Variants in PLEC observed in about 807,000 individuals in gnomAD.
The protein encoded by PLEC is plectin, also known as hemidesmosomal protein 1.
PLEC carries 216 observed loss-of-function variants against 392.8 expected under a neutral mutation model. That is an observed-to-expected ratio of 0.55 (90% CI 0.49 to 0.62). PLEC has a LOEUF of 0.62. PLEC is among the 20% of genes least tolerant of loss of function. The pLI is 0.00. For synonymous variants in PLEC, 3,621 were observed against 2,980.6 expected, an observed-to-expected ratio of 1.21 and a Z score of -7.00; for missense variants, 6,863 against 6,563.4, an observed-to-expected ratio of 1.05 and a Z score of -1.58.
chr8:143,922,331 G>C lies in PLEC; in HGVS notation c.7490C>G (p.Ser2497Cys). Residue 2497 changes from serine to cysteine, a missense_variant, in exon 32 of 32, where the codon TCT (serine) becomes TGT (cysteine). Transcript: ENST00000345136. ...CCGCTGTAGCAGGCTGTCCTTTTCA[G>C]AGAGGAAGCTTTGCTGCAGGGCCTG... ...ETQALQQSFL[S>C]EKDSLLQRER... 25 of 1,606,770 alleles carry C rather than the reference G, an allele frequency of 1.6e-5. No homozygotes were observed. The highest frequency in any genetic ancestry group is 2.0e-5 in the Non-Finnish European group (24 of 1,179,954).
At position 143,921,804 on chromosome 8, in the gene PLEC, C is replaced by T; in HGVS notation, c.8017G>A (p.Ala2673Thr). 1 of 1,609,528 alleles carries T rather than the reference C, an allele frequency of 6.2e-7. No homozygotes were observed. Among genetic ancestry groups the T allele is most frequent in the Non-Finnish European group, 8.5e-7 (1 of 1,179,748 alleles). The change falls in exon 32 of 32, where the codon GCG becomes ACG. Residue 2673 changes from alanine (A) to threonine (T), a missense_variant. Ala to Thr is a moderately conservative substitution (Grantham distance 58). Transcript: ENST00000345136. ...ILSAEELQRL[A>T]QGHTTVDELA... Reference sequence around the variant, plus strand: ...TCGTCCACCGTGGTGTGGCCCTGCGCCAACCGCTGCAGCTCCTCCGCACTC... The same window carrying T: ...TCGTCCACCGTGGTGTGGCCCTGCGTCAACCGCTGCAGCTCCTCCGCACTC...
chr8:143,964,860 A>G lies in PLEC; in HGVS notation c.70+8543T>C, dbSNP rs560283020. On this transcript the variant is annotated intron_variant, in intron 1 of 31. Coordinates refer to the PLEC transcript ENST00000356346. ...AGATGCACTTTCAAAAGGTCAAAAG[A>G]CACATTCATTTGAAAAACAGAGCAG... 2.6e-5 allele frequency among the ~76,000 whole-genome samples: 4 copies of G among 152,290 alleles called. No homozygotes were observed. The South Asian group carries it at 6.2e-4, about 24-fold the overall frequency.
At position 143,919,996 on chromosome 8, in the gene PLEC, G is replaced by A. The variant is rs1020554521; in HGVS notation, c.9825C>T (p.Arg3275=). 4 of 1,613,284 alleles carry A rather than the reference G, an allele frequency of 2.5e-6. No individual in the cohort carries two copies. The Admixed American group carries it at 6.7e-5, about 27-fold the overall frequency. The stretch of plus-strand genomic sequence containing the variant: ...CCTTCTCCACGGTGACCTTGCCCGT[G>A]CGGAACTGACGCAACAGCTCCTGCC... ...EQRQELLRQF[R]TGKVTVEKVI... is the part of the protein sequence containing the mutation. The change falls in exon 32 of 32, where the codon CGC becomes CGT. Residue 3275 remains arginine (R), a synonymous_variant. Transcript: ENST00000345136.
chr8:143,942,684 A>T (rs1427176785), upstream of PLEC, among the ~76,000 whole-genome samples: 1 of 152,014 alleles, frequency 6.6e-6, no homozygotes, highest in Non-Finnish European at 1.5e-5. Flanking sequence ...AGACCCAAAG[A>T]ACCTGCCCCT....
In PLEC at chr8:143,969,731, C is replaced by T. The variant is rs1833319342; in HGVS notation, c.70+3672G>A. Among the ~76,000 whole-genome samples, 1 of 151,604 alleles carries T rather than the reference C, an allele frequency of 6.6e-6. No individual in the cohort carries two copies. Among genetic ancestry groups the T allele is most frequent in the Non-Finnish European group, 1.5e-5 (1 of 67,870 alleles). ...GCAGGCCGGGGAGTGGGGAGTGGGGCCAGCCGGGGGCCTGGGCAGCTGGGG... is the reference window on the plus strand; with the variant it reads ...GCAGGCCGGGGAGTGGGGAGTGGGGTCAGCCGGGGGCCTGGGCAGCTGGGG... On this transcript the variant is annotated intron_variant, in intron 1 of 31. Transcript: ENST00000356346. This position sits in a 1 kb window ranked among gnomAD's most constrained non-coding sequence, Gnocchi z 5.1.
rs1833315732 is a variant in PLEC at position 143,969,692 on chromosome 8, G to A, written c.70+3711C>T. ...TTGTGGGCAGGGGCCTGTCCTGGGG[G>A]TCAGGGCATGAGTGCAGGCCGGGGA... On this transcript the variant is annotated intron_variant, in intron 1 of 31. Coordinates refer to the PLEC transcript ENST00000356346. This position sits in a 1 kb window ranked among gnomAD's most constrained non-coding sequence, Gnocchi z 5.1. Among the ~76,000 whole-genome samples the A allele has an allele frequency of 6.6e-6, 1 of 152,160 alleles. No homozygotes were observed. The highest frequency in any genetic ancestry group is 2.1e-4 in the South Asian group (1 of 4,834).
In PLEC at chr8:143,917,815, G is replaced by C. The variant is rs368603624; in HGVS notation, c.12006C>G (p.Asp4002Glu). Residue 4002 changes from aspartate (D) to glutamate (E), a missense_variant, in exon 32 of 32, where the codon GAC (aspartate) becomes GAG (glutamate). Coordinates refer to ENST00000345136, the MANE Select transcript of PLEC (RefSeq NM_201384.3). ...CGGCGCGCTCGGCCGACAGCAGCTT[G>C]TCCTTGAACTCGGGGCCCACAATGC... ...RMGIVGPEFK[D>E]KLLSAERAVT... 13 of 1,613,322 alleles carry C rather than the reference G, an allele frequency of 8.1e-6. No individual in the cohort carries two copies. The East Asian group carries it at 8.9e-5, about 11-fold the overall frequency.
In PLEC at chr8:143,924,005, A is replaced by AGCTGCC; in HGVS notation, c.5918_5923dup (p.Arg1973_Gln1974dup). 3.2e-6 allele frequency: 5 copies of AGCTGCC among 1,585,948 alleles called. No individual in the cohort carries two copies. Among genetic ancestry groups the AGCTGCC allele is most frequent in the Non-Finnish European group, 4.3e-6 (5 of 1,171,886 alleles). ...GCGCCGCCGCTCCTCCTCCGCCGCC[A>AGCTGCC]GCTGCCGCTGCCTCGCAGCCTCCAG... On this transcript the variant is annotated inframe_insertion, in exon 31 of 32. Transcript: ENST00000345136.
upstream of PLEC, among the ~76,000 whole-genome samples, chr8:143,951,871 C>T (rs373379342): frequency 2.0e-5 from 3 of 152,076 alleles, no homozygotes; most frequent in Non-Finnish European, 2.9e-5. Flanking sequence ...ATCCACCCCC[C>T]CCTCCCCGCC....
upstream of PLEC, chr8:143,944,004 A>T: frequency 2.0e-6 from 3 of 1,500,756 alleles, no homozygotes; most frequent in Non-Finnish European, 2.7e-6. Flanking sequence ...CCGGGACCGG[A>T]GCCTGCCCTG....
chr8:143,943,734 C>T (rs570902988), upstream of PLEC: 3 of 1,580,094 alleles, frequency 1.9e-6, no homozygotes, highest in South Asian at 2.3e-5. Flanking sequence ...GCAGGCGGCC[C>T]CTCTGCCCCG....
At position 143,923,330 on chromosome 8, in the gene PLEC, T is replaced by G; in HGVS notation, c.6599A>C (p.His2200Pro). The G allele has an allele frequency of 6.2e-7, 1 of 1,609,924 alleles. No individual in the cohort carries two copies. The highest frequency in any genetic ancestry group is 8.5e-7 in the Non-Finnish European group (1 of 1,179,490). Residue 2200 changes from histidine (H) to proline (P), a missense_variant, in exon 31 of 32, where the codon CAC (histidine) becomes CCC (proline). Coordinates refer to ENST00000345136, the MANE Select transcript of PLEC (RefSeq NM_201384.3). ...CTCCTCGTCCAGCAGGTTCTTCTGGTGGTCGGTCTCCTCCAGCTGCAGCCG... is the reference window on the plus strand; with the variant it reads ...CTCCTCGTCCAGCAGGTTCTTCTGGGGGTCGGTCTCCTCCAGCTGCAGCCG... ...TLRLQLEETD[H>P]QKNLLDEELQ...
Position 143,919,224 on chromosome 8 carries a change from C to T in PLEC, c.10597G>A (p.Asp3533Asn), listed in dbSNP as rs781957563. 3 of 1,613,906 alleles carry T rather than the reference C, an allele frequency of 1.9e-6. No homozygotes were observed. Among genetic ancestry groups the T allele is most frequent in the African/African-American group, 1.3e-5 (1 of 75,078 alleles). ...AGAAGGCGCAAGCCCGTCTCGGGGTCCTCCACGCACCGCTCCAGCAGCTGC... is the reference window on the plus strand; with the variant it reads ...AGAAGGCGCAAGCCCGTCTCGGGGTTCTCCACGCACCGCTCCAGCAGCTGC... ...YRQLLERCVEDPETGLRLLPL... is the reference protein window; with the variant it reads ...YRQLLERCVENPETGLRLLPL... The change falls in exon 32 of 32, where the codon GAC (aspartate) becomes AAC (asparagine). Residue 3533 changes from aspartate (D) to asparagine (N), a missense_variant. Physicochemically the swap from Asp to Asn is conservative, Grantham distance 23. Coordinates refer to ENST00000345136, the MANE Select transcript of PLEC (RefSeq NM_201384.3).
Position 143,918,055 on chromosome 8 carries a change from G to T in PLEC, c.11766C>A (p.Thr3922=), listed in dbSNP as rs1554673825. ...REGLTSIEEV[T]KNLQKFLEGT... Reference sequence around the variant, plus strand: ...CTTCCAGGAACTTCTGCAAGTTCTTGGTGACCTCCTCGATGGAGGTCAGGC... The same window carrying T: ...CTTCCAGGAACTTCTGCAAGTTCTTTGTGACCTCCTCGATGGAGGTCAGGC... Residue 3922 remains threonine, a synonymous_variant, in exon 32 of 32, where the codon ACC becomes ACA. Transcript: ENST00000345136. 6.2e-7 allele frequency: 1 copy of T among 1,605,256 alleles called. No homozygotes were observed. Among genetic ancestry groups the T allele is most frequent in the African/African-American group, 1.3e-5 (1 of 74,868 alleles).
At position 143,929,810 on chromosome 8, in the gene PLEC, T is replaced by A; in HGVS notation, c.2759A>T (p.Glu920Val). Residue 920 changes from glutamate to valine, a missense_variant, in exon 23 of 32, where the codon GAG (glutamate) becomes GTG (valine). Glu to Val is a moderately radical substitution (Grantham distance 121, BLOSUM62 -2). Transcript: ENST00000345136. ...SLATFRTLKPEEQRQALHSLE... is the reference protein window; with the variant it reads ...SLATFRTLKPVEQRQALHSLE... ...GCTGTGCAGGGCTTGGCGCTGCTCC[T>A]CTGGCTTCAGGGTGCGGAACTGGGG... The A allele has an allele frequency of 6.3e-7, 1 of 1,598,952 alleles. No homozygotes were observed.
In PLEC at chr8:143,932,157, C is replaced by T. The variant is rs1554716443; in HGVS notation, c.2055G>A (p.Glu685=). Reference sequence around the variant, plus strand: ...CCACCGTGGGCCGGGCCGGGTGGTCCTCCCGCAGCAGCCGGTCCCCAGCAT... The same window carrying T: ...CCACCGTGGGCCGGGCCGGGTGGTCTTCCCGCAGCAGCCGGTCCCCAGCAT... ...LQNAGDRLLR[E]DHPARPTVES... Residue 685 remains glutamate (E), a synonymous_variant, in exon 17 of 32, where the codon GAG becomes GAA. Transcript: ENST00000345136. 3 of 1,611,706 alleles carry T rather than the reference C, an allele frequency of 1.9e-6. No individual in the cohort carries two copies. Among genetic ancestry groups the T allele is most frequent in the Admixed American group, 3.3e-5 (2 of 60,014 alleles).
rs1554683338 is a variant in PLEC at position 143,920,884 on chromosome 8, G to A, written c.8937C>T (p.Ser2979=). The part of the protein sequence containing the change: ...KGRLCFEGLR[S]LVPAAELLES... ...CCAGCAGCTCGGCGGCTGGCACCAG[G>A]CTGCGCAGGCCCTCAAAGCAAAGCC... Residue 2979 remains serine (S), a synonymous_variant, in exon 32 of 32, where the codon AGC becomes AGT. Coordinates refer to ENST00000345136, the MANE Select transcript of PLEC (RefSeq NM_201384.3). 1 of 1,611,376 alleles carries A rather than the reference G, an allele frequency of 6.2e-7. No homozygotes were observed. The highest frequency in any genetic ancestry group is 8.5e-7 in the Non-Finnish European group (1 of 1,179,962).
In PLEC at chr8:143,925,610, G is replaced by T. The variant is rs1554703384; in HGVS notation, c.4319C>A (p.Ala1440Glu). 6.3e-7 allele frequency: 1 copy of T among 1,581,698 alleles called. No homozygotes were observed. The highest frequency in any genetic ancestry group is 1.1e-5 in the South Asian group (1 of 89,042). ...EAEIQAKARQ[A>E]EAAERSRLRI... is the part of the protein sequence containing the mutation. ...CAGCCGGCTGCGCTCAGCCGCCTCT[G>T]CCTGCCGGGCCTTGGCCTGGATCTC... Residue 1440 changes from alanine to glutamate, a missense_variant, in exon 31 of 32, where the codon GCA (alanine) becomes GAA (glutamate). By Grantham distance (107) the Ala-to-Glu change is moderately radical. Coordinates refer to ENST00000345136, the MANE Select transcript of PLEC (RefSeq NM_201384.3).
At chr8:143,944,589 GC>G, upstream of PLEC, 1 of 1,085,772 alleles carries the variant, frequency 9.2e-7, no homozygotes. Context: ...CAGCCCTCTG[GC>G]CCCTGTCCCC....
Sources: gnomAD v4.1 joint callset for allele counts (sites outside exome capture counted in the v4.1 genomes callset) on GRCh38, gnomAD v4.1.1 for gene constraint, Gnocchi (gnomAD v3.1) non-coding constraint, MANE v1.5 for transcripts, NCBI Gene and HGNC (gene_info 2026-07-23, HGNC 2026-07-21) for gene names.